SPRED1: variants seen among roughly 807,000 people sequenced by gnomAD.
SPRED1 encodes the protein sprouty-related, EVH1 domain-containing protein 1.
A neutral mutation model predicts 52.3 loss-of-function variants in SPRED1; 18 were observed. The ratio of observed to expected loss-of-function variants is 0.34; its 90% CI spans 0.24 to 0.51. The LOEUF (loss-of-function observed/expected upper bound fraction) is 0.51. Ranked by LOEUF, SPRED1 falls within the 20% of genes least tolerant of loss-of-function variation. The pLI is 0.97. For synonymous variants in SPRED1, 155 were observed against 179.7 expected (o/e 0.86, Z 1.10); for missense variants, 485 against 551.0 (o/e 0.88, Z 1.20).
At position 38,299,523 on chromosome 15, in the gene SPRED1, T is replaced by G. The variant is rs1297197855; in HGVS notation, c.183T>G (p.Arg61=). 5 of 1,613,886 alleles carry G rather than the reference T, an allele frequency of 3.1e-6. No homozygotes were observed. The highest frequency in any genetic ancestry group is 4.2e-6 in the Non-Finnish European group (5 of 1,179,910). ...EENGCADFFI[R]GERLRDKMVV... ...ATGGCTGTGCTGACTTTTTTATCCG[T>G]GGAGAGCGACTCAGGGACAAAATGG... Residue 61 remains arginine (R), a synonymous_variant, in exon 2 of 7, where the codon CGT becomes CGG. Coordinates refer to ENST00000299084, the MANE Select transcript of SPRED1 (RefSeq NM_152594.3).
In SPRED1 at chr15:38,349,574, TAGG is replaced by T. The variant is rs751245187; in HGVS notation, c.684+52_684+54del. ...ATATGGAATTTAACTAATTAATAGA[TAGG>T]TAAAGTTTTCCAGTCTTTCTAATTC... On this transcript the variant is annotated intron_variant, in intron 6 of 6. Transcript: ENST00000299084. The T allele has an allele frequency of 6.5e-6, 7 of 1,076,486 alleles. No individual in the cohort carries two copies. In the African/African-American group the frequency reaches 7.7e-5, roughly 12 times the overall value. The allele number at this position is 1,076,486 out of a possible 1,614,324, so 66.7% of individuals were successfully genotyped here. A position where few individuals can be genotyped will look rare whatever the true frequency, so the allele number is the denominator to read the frequency against.
intron 1 of SPRED1, among the ~76,000 whole-genome samples, chr15:38,256,591 A>G (rs980669210): frequency 1.1e-4 from 17 of 152,252 alleles, no homozygotes; most frequent in Admixed American, 9.2e-4. Flanking sequence ...AGTTGGGATT[A>G]TATTAGATTT....
chr15:38,295,368 A>C (rs1013376725), intron 1 of SPRED1, among the ~76,000 whole-genome samples: 3 of 152,224 alleles, frequency 2.0e-5, no homozygotes, highest in Non-Finnish European at 4.4e-5. Context: ...CAGGTTGGAC[A>C]GGCTTGCTGT....
intron 2 of SPRED1, among the ~76,000 whole-genome samples, chr15:38,309,755 A>G (rs771855244): frequency 6.6e-6 from 1 of 152,130 alleles, no homozygotes; most frequent in Non-Finnish European, 1.5e-5. Context: ...CCCATTGTCC[A>G]TTTTAAGTTA....
chr15:38,310,232 C>T (rs1214977699), intron 2 of SPRED1, among the ~76,000 whole-genome samples: 1 of 151,460 alleles, frequency 6.6e-6, no homozygotes, highest in Non-Finnish European at 1.5e-5. Flanking sequence ...CCTCTGCCTC[C>T]CAGGTTCAAG....
At chr15:38,263,598 G>A (rs766172823) in intron 1 of SPRED1, among the ~76,000 whole-genome samples, 8 of 152,104 alleles carry the variant, frequency 5.3e-5, no homozygotes, top group Admixed American at 1.3e-4. Flanking sequence ...TTGAGAAAGC[G>A]TTAGATATCA....
chr15:38,263,047 T>C (rs1894235088), intron 1 of SPRED1, among the ~76,000 whole-genome samples: 1 of 152,170 alleles, frequency 6.6e-6, no homozygotes, highest in Non-Finnish European at 1.5e-5. Context: ...AGGAAGAATG[T>C]AGTAAGACAA....
chr15:38,302,904 C>G (rs187435934), intron 2 of SPRED1, among the ~76,000 whole-genome samples: 18 of 152,268 alleles, frequency 1.2e-4, no homozygotes, highest in Admixed American at 3.3e-4. Flanking sequence ...TGGCTCATAC[C>G]TGTAATCTCA....
chr15:38,289,880 G>A (rs1190136228), intron 1 of SPRED1, among the ~76,000 whole-genome samples: 1 of 152,156 alleles, frequency 6.6e-6, no homozygotes, highest in Non-Finnish European at 1.5e-5. Context: ...GTATAAATTT[G>A]TGTTGTTGTA....
rs541340044 is a variant in SPRED1, at chr15:38,330,425, C to T, written c.423+5616C>T. Among the ~76,000 whole-genome samples, 3 of 152,094 alleles carry T rather than the reference C, an allele frequency of 2.0e-5. No homozygotes were observed. The South Asian group carries it at 6.2e-4, about 32-fold the overall frequency. ...TATTCTTACCCTTAAGCTAATCAAA[C>T]TAAAGAAAGCTAATGAACAGAATAG... On this transcript the variant is annotated intron_variant, in intron 4 of 6. Transcript: ENST00000299084.
At chr15:38,312,481 T>C (rs550490973) in intron 2 of SPRED1, among the ~76,000 whole-genome samples, 1 of 152,200 alleles carries the variant, frequency 6.6e-6, no homozygotes, top group South Asian at 2.1e-4. Flanking sequence ...AGGAGTCAGT[T>C]TTGACAATGC....
chr15:38,329,516 A>G (rs1429797859), intron 4 of SPRED1, among the ~76,000 whole-genome samples: 1 of 152,196 alleles, frequency 6.6e-6, no homozygotes, highest in Non-Finnish European at 1.5e-5. Flanking sequence ...ACTGCAAGCT[A>G]TCACAATCCT....
intron 4 of SPRED1, among the ~76,000 whole-genome samples, chr15:38,338,698 C>T (rs1895971710): frequency 6.6e-6 from 1 of 152,068 alleles, no homozygotes; most frequent in Non-Finnish European, 1.5e-5. Flanking sequence ...AACCCAGTGT[C>T]ATAAAATAGC....
chr15:38,276,419 G>A (rs896737565), intron 1 of SPRED1, among the ~76,000 whole-genome samples: 1 of 151,874 alleles, frequency 6.6e-6, no homozygotes. Flanking sequence ...CATAATTAGA[G>A]TAATACTATA....
chr15:38,330,199 T>A (rs1895780650), intron 4 of SPRED1, among the ~76,000 whole-genome samples: 1 of 151,868 alleles, frequency 6.6e-6, no homozygotes, highest in South Asian at 2.1e-4. Flanking sequence ...AGTTCTTCTG[T>A]TGAATAAGCC....
chr15:38,339,235 G>A (rs922670976), intron 4 of SPRED1, among the ~76,000 whole-genome samples: 4 of 152,124 alleles, frequency 2.6e-5, no homozygotes, highest in South Asian at 2.1e-4. Context: ...TAAATTCTAC[G>A]TAATCAGCAA....
Position 38,349,512 on chromosome 15 carries a change from T to G in SPRED1, c.673T>G (p.Ser225Ala), listed in dbSNP as rs1160929813. 1 of 1,608,574 alleles carries G rather than the reference T, an allele frequency of 6.2e-7. No individual in the cohort carries two copies. The highest frequency in any genetic ancestry group is 1.1e-5 in the South Asian group (1 of 90,972). The stretch of plus-strand genomic sequence containing the variant: ...ATCCAAGGAATGTGGAAGCCTAAAG[T>G]CCCAAAATAGGGTAAGTAATGTTAG... ...QISKECGSLK[S>A]QNRVPLKSIR... Residue 225 changes from serine to alanine, a missense_variant, in exon 6 of 7, where the codon TCC becomes GCC. Around this residue, in one of 5 missense-constraint regions of SPRED1, gnomAD observed 232 missense variants for 231.8 expected, o/e 1.00. Coordinates refer to ENST00000299084, the MANE Select transcript of SPRED1 (RefSeq NM_152594.3).
At chr15:38,307,948 T>C (rs1430942614) in intron 2 of SPRED1, among the ~76,000 whole-genome samples, 4 of 152,208 alleles carry the variant, frequency 2.6e-5, no homozygotes, top group African/African-American at 9.6e-5. Flanking sequence ...TTTTGGTATC[T>C]TTTGAAGCTC....
chr15:38,292,597 C>T (rs996068335), intron 1 of SPRED1, among the ~76,000 whole-genome samples: 1 of 152,014 alleles, frequency 6.6e-6, no homozygotes, highest in African/African-American at 2.4e-5. Flanking sequence ...AGCAGAAGTC[C>T]CTGATAAACC....
Sources: gnomAD v4.1 joint callset for allele counts (sites outside exome capture counted in the v4.1 genomes callset) on GRCh38, gnomAD v4.1.1 for gene constraint, gnomAD v4.1.1 regional missense constraint, MANE v1.5 for transcripts, NCBI Gene and HGNC (gene_info 2026-07-23, HGNC 2026-07-21) for gene names.